The following COL17A1 variants were observed in gnomAD, a reference collection of about 807,000 sequenced individuals.
The protein encoded by COL17A1 is collagen alpha-1(XVII) chain.
A neutral mutation model predicts 218.4 loss-of-function variants in COL17A1; 181 were observed. The observed-to-expected ratio is 0.83, with a 90% CI of 0.73 to 0.94. The LOEUF is 0.94. Ranked by LOEUF, COL17A1 falls within the 40% of genes least tolerant of loss-of-function variation. The pLI is 0.00. For missense variants in COL17A1, 1,924 were observed against 1,945.9 expected, an observed-to-expected ratio of 0.99 and a Z score of 0.21; for synonymous variants, 721 against 731.0, an observed-to-expected ratio of 0.99 and a Z score of 0.22.
Position 104,055,892 on chromosome 10 carries a change from C to A in COL17A1, c.1577G>T (p.Gly526Val), listed in dbSNP as rs1172514491. ...GTCTGCTCCCGCCGCGGGTGCCATG[C>A]CCTGGAGGCGGTCCTTTTCTATTCT... ...MDRIEKDRLQ[G>V]MAPAAGADLD... Residue 526 changes from glycine to valine, a missense_variant, in exon 18 of 56, where the codon GGC becomes GTC. By Grantham distance (109) the Gly-to-Val change is moderately radical. Coordinates refer to ENST00000648076, the MANE Select transcript of COL17A1 (RefSeq NM_000494.4). 1 of 1,614,230 alleles carries A rather than the reference C, an allele frequency of 6.2e-7. No individual in the cohort carries two copies. The highest frequency in any genetic ancestry group is 1.1e-5 in the South Asian group (1 of 91,088).
intron 41 of COL17A1, 115 bp from the exon 42 acceptor site, chr10:104,039,755 A>C: frequency 7.4e-7 from 1 of 1,356,730 alleles, no homozygotes; most frequent in Non-Finnish European, 1.0e-6. Flanking sequence ...TTTGGGCAGT[A>C]CCTAGAGATG....
rs760395698 is a variant in COL17A1 at position 104,047,011 on chromosome 10, A to G, written c.2336-238T>C. 5.9e-5 allele frequency among the ~76,000 whole-genome samples: 9 copies of G among 152,182 alleles called. No individual in the cohort carries two copies. The East Asian group carries it at 1.5e-3, about 26-fold the overall frequency. On this transcript the variant is annotated intron_variant, in intron 31 of 55. Coordinates refer to ENST00000648076, the MANE Select transcript of COL17A1 (RefSeq NM_000494.4). ...TTTCTCAGGCAATGGTGCTGAGCCT[A>G]TCTGGGTTCACAGACCCTTTTGGAA...
intron 3 of COL17A1, 56 bp downstream of exon 3, chr10:104,078,486 G>A (rs955840537): frequency 6.2e-7 from 1 of 1,612,636 alleles, no homozygotes; most frequent in Admixed American, 1.7e-5. Flanking sequence ...GGTTACAGGT[G>A]TGGGGCCCTT....
chr10:104,032,989 TG>T, intron 53 of COL17A1, 21 bp from the exon 54 acceptor site: 1 of 1,611,668 alleles, frequency 6.2e-7, no homozygotes, highest in Non-Finnish European at 8.5e-7. Context: ...AAGGAAACAC[TG>T]GCCTTAGAGT....
intron 1 of COL17A1, among the ~76,000 whole-genome samples, chr10:104,085,123 C>T (rs551807789): frequency 2.0e-4 from 31 of 152,162 alleles, no homozygotes; most frequent in Non-Finnish European, 2.9e-4. Context: ...TAAGTTTGAT[C>T]CTGCAAAATT....
chr10:104,055,033 G>A, intron 19 of COL17A1, 26 bp from the exon 20 acceptor site: 1 of 1,613,928 alleles, frequency 6.2e-7, no homozygotes, highest in Non-Finnish European at 8.5e-7. Context: ...TATGAAAACT[G>A]TGAGATGGGG....
At chr10:104,080,405 AAATG>A (rs1310521757) in intron 2 of COL17A1, among the ~76,000 whole-genome samples, 1 of 152,208 alleles carries the variant, frequency 6.6e-6, no homozygotes, top group African/African-American at 2.4e-5. Context: ...CTGTACATGG[AAATG>A]ACAACCTTCA....
At chr10:104,046,190 G>C (rs757358965) in intron 32 of COL17A1, among the ~76,000 whole-genome samples, 13 of 152,200 alleles carry the variant, frequency 8.5e-5, no homozygotes, top group Non-Finnish European at 1.8e-4. Context: ...CTCTGTAAGA[G>C]CATTGGAAGC....
chr10:104,032,892 CT>C lies in COL17A1; in HGVS notation c.4357+13del. On this transcript the variant is annotated intron_variant, in intron 54 of 55. Coordinates refer to ENST00000648076, the MANE Select transcript of COL17A1 (RefSeq NM_000494.4). The stretch of plus-strand genomic sequence containing the variant: ...AACACAGGATCCAGGGACTGGCTCT[CT>C]GCCACCACTTACCTTTGGGTCCTGG... The C allele has an allele frequency of 1.2e-6, 2 of 1,614,158 alleles. No homozygotes were observed.
intron 33 of COL17A1, 119 bp from the exon 34 acceptor site, chr10:104,043,979 G>T (rs1430302622): frequency 1.8e-6 from 2 of 1,086,108 alleles, no homozygotes; most frequent in Middle Eastern, 2.0e-4. Context: ...TCACCATCAG[G>T]CTAAAGGCAT....
At chr10:104,080,141 A>T (rs1413808402) in intron 2 of COL17A1, among the ~76,000 whole-genome samples, 1 of 152,204 alleles carries the variant, frequency 6.6e-6, no homozygotes, top group African/African-American at 2.4e-5. Flanking sequence ...AGAATAAGTG[A>T]AAGAGTTTCC....
At chr10:104,036,911 G>C in intron 47 of COL17A1, 134 bp downstream of exon 47, 1 of 905,150 alleles carries the variant, frequency 1.1e-6, no homozygotes, top group Non-Finnish European at 1.8e-6. Context: ...GCAGTAAGTG[G>C]CTCTTTGTCC....
At chr10:104,074,349 G>C (rs1190939730) in intron 5 of COL17A1, 118 bp from the exon 6 acceptor site, 3 of 1,419,942 alleles carry the variant, frequency 2.1e-6, no homozygotes, top group Non-Finnish European at 3.0e-6. Context: ...TGTTTCAGGG[G>C]GGAATGAGGT....
intron 3 of COL17A1, 110 bp downstream of exon 3, chr10:104,078,432 G>C: frequency 2.3e-6 from 3 of 1,311,912 alleles, no homozygotes; most frequent in Non-Finnish European, 3.3e-6. Context: ...TGTCAATATA[G>C]CTGTTAAAAA....
At chr10:104,080,882 G>A (rs752050069) in intron 1 of COL17A1, among the ~76,000 whole-genome samples, 198 bp from the exon 2 acceptor site, 5 of 152,136 alleles carry the variant, frequency 3.3e-5, no homozygotes, top group Admixed American at 2.0e-4. Flanking sequence ...GTTCCACTTT[G>A]GATTCTATTT....
At chr10:104,051,652 G>T (rs1290601544) in intron 24 of COL17A1, 136 bp from the exon 25 acceptor site, 2 of 1,053,318 alleles carry the variant, frequency 1.9e-6, no homozygotes, top group East Asian at 2.5e-5. Context: ...CAGGCCAGGG[G>T]TGACCCCAGT....
At chr10:104,085,493 C>G (rs182671715) in intron 1 of COL17A1, among the ~76,000 whole-genome samples, 1 of 152,330 alleles carries the variant, frequency 6.6e-6, no homozygotes, top group Admixed American at 6.5e-5. Context: ...TATATTTTAA[C>G]CAGCCTTCAG....
intron 39 of COL17A1, 81 bp from the exon 40 acceptor site, chr10:104,040,491 G>A: frequency 1.2e-6 from 1 of 848,854 alleles, no homozygotes; most frequent in Non-Finnish European, 2.0e-6. Context: ...TGACAACATA[G>A]ATGCTCAATC....
rs1564671693 is a variant in COL17A1, at chr10:104,036,485, CACTT to C, written c.3418+3_3418+6del. 8 of 1,613,856 alleles carry C rather than the reference CACTT, an allele frequency of 5.0e-6. No homozygotes were observed. In the Middle Eastern group the frequency reaches 8.3e-4, roughly 167 times the overall value. On this transcript the variant is annotated splice_donor_5th_base_variant and intron_variant, in intron 48 of 55. Transcript: ENST00000648076. ...CCTTCCCAACCACCCCTCCTGCAGA[CACTT>C]ACTCGACATGTAGCTGAGAATGCGA...
Sources: gnomAD v4.1 joint callset for allele counts (sites outside exome capture counted in the v4.1 genomes callset) on GRCh38, gnomAD v4.1.1 for gene constraint, MANE v1.5 for transcripts, NCBI Gene and HGNC (gene_info 2026-07-23, HGNC 2026-07-21) for gene names.